The following NCK2 variants were observed in gnomAD, a reference collection of about 807,000 sequenced individuals.
The protein encoded by NCK2 is cytoplasmic protein NCK2.
Under a neutral mutation model 33.9 loss-of-function variants are expected in NCK2, and 16 were observed. That is an observed-to-expected ratio of 0.47 (90% confidence interval 0.32 to 0.72). The LOEUF is 0.72. Ranked by LOEUF, NCK2 falls within the 30% of genes least tolerant of loss-of-function variation. The pLI is 0.03. For missense variants in NCK2, 418 were observed against 537.3 expected, an observed-to-expected ratio of 0.78 and a Z score of 2.19; for synonymous variants, 273 against 239.9, an observed-to-expected ratio of 1.14 and a Z score of -1.27.
chr2:105,826,965 TTCA>T (rs1331970186), intron 2 of NCK2, among the ~76,000 whole-genome samples: 1 of 152,130 alleles, frequency 6.6e-6, no homozygotes, highest in African/African-American at 2.4e-5. Context: ...TAAAAGAGTG[TTCA>T]TCAAGAAGAC....
chr2:105,868,318 C>T (rs139120383), intron 3 of NCK2, among the ~76,000 whole-genome samples: 2 of 152,264 alleles, frequency 1.3e-5, no homozygotes, highest in South Asian at 2.1e-4. Flanking sequence ...ATTTTGGGCA[C>T]GCACTCAGGT....
chr2:105,746,595 G>A (rs935080510), intron 1 of NCK2, among the ~76,000 whole-genome samples: 1 of 152,222 alleles, frequency 6.6e-6, no homozygotes, highest in Non-Finnish European at 1.5e-5. Context: ...TTCAAGCCTT[G>A]CGAGTTTTAC....
intron 3 of NCK2, among the ~76,000 whole-genome samples, chr2:105,874,761 G>C (rs957024229): frequency 2.6e-5 from 4 of 152,210 alleles, no homozygotes; most frequent in Admixed American, 2.6e-4. Context: ...AAAAGATTTT[G>C]ACTTTAAATT....
chr2:105,860,188 A>G (rs967377696), intron 3 of NCK2, among the ~76,000 whole-genome samples: 8 of 152,164 alleles, frequency 5.3e-5, no homozygotes, highest in Admixed American at 3.9e-4. Context: ...CAAGAGGCTC[A>G]GTTGGGAGGA....
At chr2:105,872,285 G>A (rs748561841) in intron 3 of NCK2, among the ~76,000 whole-genome samples, 2 of 152,114 alleles carry the variant, frequency 1.3e-5, no homozygotes, top group African/African-American at 2.4e-5. Context: ...CCTTCCCCCC[G>A]CCACCAGGCC....
At chr2:105,772,830 A>G (rs1416452457) in intron 1 of NCK2, among the ~76,000 whole-genome samples, 2 of 151,006 alleles carry the variant, frequency 1.3e-5, no homozygotes, top group Non-Finnish European at 2.9e-5. Flanking sequence ...CCCTGCATCT[A>G]GGTCTCCTGG....
At chr2:105,787,524 T>TG (rs888162418) in intron 1 of NCK2, among the ~76,000 whole-genome samples, 1 of 152,170 alleles carries the variant, frequency 6.6e-6, no homozygotes, top group Non-Finnish European at 1.5e-5. Flanking sequence ...CATCAGACTC[T>TG]GCTGGCACTT....
chr2:105,754,410 C>T (rs1689543394), intron 1 of NCK2, among the ~76,000 whole-genome samples: 1 of 152,178 alleles, frequency 6.6e-6, no homozygotes, highest in Non-Finnish European at 1.5e-5. Flanking sequence ...CTTCGATTTT[C>T]CTTAACGGTT....
At chr2:105,788,346 C>A (rs538803959) in intron 1 of NCK2, among the ~76,000 whole-genome samples, 2 of 152,212 alleles carry the variant, frequency 1.3e-5, no homozygotes, top group African/African-American at 2.4e-5. Context: ...GAGGGAAATT[C>A]TTTTCTCCAT....
intron 1 of NCK2, among the ~76,000 whole-genome samples, chr2:105,781,286 C>T (rs1487023158): frequency 1.4e-5 from 2 of 146,874 alleles, no homozygotes; most frequent in Admixed American, 1.4e-4. Context: ...GGGAGCCGTG[C>T]ACTTTTTACA....
intron 3 of NCK2, among the ~76,000 whole-genome samples, chr2:105,864,005 T>C (rs1677651192): frequency 6.6e-6 from 1 of 150,788 alleles, no homozygotes; most frequent in East Asian, 2.0e-4. Flanking sequence ...GGATGCAGAG[T>C]GCAAGTGAGG....
At chr2:105,877,331 C>G (rs185014108) in intron 3 of NCK2, among the ~76,000 whole-genome samples, 9 of 152,310 alleles carry the variant, frequency 5.9e-5, no homozygotes, top group African/African-American at 2.2e-4. Flanking sequence ...GATCTCCCAT[C>G]CCTTCTGTTC....
At chr2:105,789,039 G>A (rs962612051) in intron 1 of NCK2, among the ~76,000 whole-genome samples, 7 of 152,034 alleles carry the variant, frequency 4.6e-5, no homozygotes, top group Non-Finnish European at 7.4e-5. Flanking sequence ...CCCTCCTCCC[G>A]ATGCCCGCAG....
chr2:105,837,246 A>G (rs993748422), intron 2 of NCK2, among the ~76,000 whole-genome samples: 4 of 152,190 alleles, frequency 2.6e-5, no homozygotes, highest in African/African-American at 9.7e-5. Context: ...CTAGTAGGCC[A>G]TCTTAATGAC....
chr2:105,813,609 G>A (rs766410683), intron 1 of NCK2, among the ~76,000 whole-genome samples: 10 of 152,202 alleles, frequency 6.6e-5, no homozygotes, highest in African/African-American at 1.9e-4. Flanking sequence ...AATCGGCCAC[G>A]ACTGCTTGCA....
chr2:105,817,216 A>G (rs929545750), intron 2 of NCK2, among the ~76,000 whole-genome samples: 1 of 151,740 alleles, frequency 6.6e-6, no homozygotes, highest in Non-Finnish European at 1.5e-5. Flanking sequence ...ATGCAGACAG[A>G]TGAAGGATTC....
At chr2:105,891,569 G>GAAAT (rs1423916551) in intron 4 of NCK2, among the ~76,000 whole-genome samples, 1 of 6,594 alleles carries the variant, frequency 1.5e-4, no homozygotes, top group Admixed American at 1.2e-3. Context: ...TTTTTTTTTT[G>GAAAT]AGATTTTTCG....
chr2:105,819,866 C>T (rs1675655547), intron 2 of NCK2, among the ~76,000 whole-genome samples: 2 of 152,108 alleles, frequency 1.3e-5, no homozygotes, highest in Non-Finnish European at 2.9e-5. Flanking sequence ...CTATTGTGAA[C>T]ACCCCACCTG....
intron 1 of NCK2, among the ~76,000 whole-genome samples, chr2:105,774,826 C>G (rs1307981621): frequency 6.6e-6 from 1 of 152,122 alleles, no homozygotes; most frequent in Admixed American, 6.6e-5. Flanking sequence ...AGCCACTTTT[C>G]TTTTTGAGTT....
Sources: gnomAD v4.1 joint callset for allele counts (sites outside exome capture counted in the v4.1 genomes callset) on GRCh38, gnomAD v4.1.1 for gene constraint, MANE v1.5 for transcripts, NCBI Gene and HGNC (gene_info 2026-07-23, HGNC 2026-07-21) for gene names.